The following TNS1 variants were observed in gnomAD, a reference collection of about 807,000 sequenced individuals.
The protein encoded by TNS1 is tensin 1.
TNS1 carries 62 observed loss-of-function variants against 168.6 expected under a neutral mutation model. That is an observed-to-expected ratio of 0.37 (90% CI 0.30 to 0.45). TNS1 has a LOEUF of 0.45. Ranked by LOEUF, TNS1 falls within the 20% of genes least tolerant of loss-of-function variation. The probability of loss-of-function intolerance (pLI) is 1.00; values close to 1 mark genes in which losing one functional copy is unlikely to be tolerated. For synonymous variants in TNS1, 934 were observed against 933.2 expected (o/e 1.00, Z -0.02); for missense variants, 2,240 against 2,339.4 (o/e 0.96, Z 0.88).
chr2:217,947,698 G>A (rs1244997719), intron 3 of TNS1, among the ~76,000 whole-genome samples: 2 of 152,166 alleles, frequency 1.3e-5, no homozygotes, highest in Non-Finnish European at 2.9e-5. Context: ...AGAAAGGCGA[G>A]GAGAAAGTCA....
chr2:217,834,199 C>T (rs545557978), intron 21 of TNS1, among the ~76,000 whole-genome samples: 89 of 152,330 alleles, frequency 5.8e-4, no homozygotes, highest in African/African-American at 2.1e-3. Context: ...ACAGGGGCCA[C>T]GTACATTGCC....
In TNS1 at chr2:217,804,428, CAT is replaced by C. The variant is rs1194923489; in HGVS notation, c.*29_*30del. On this transcript the variant is annotated 3_prime_UTR_variant, in exon 33 of 33. Transcript: ENST00000682258. ...GTCCCCTCCCCACAAGCCCCTTCCC[CAT>C]GGCACTGGCCCTGGGCAAGGGGCAG... 10 of 1,613,248 alleles carry C rather than the reference CAT, an allele frequency of 6.2e-6. No homozygotes were observed. Among genetic ancestry groups the C allele is most frequent in the Non-Finnish European group, 8.5e-6 (10 of 1,179,450 alleles).
chr2:217,804,252 ATCTT>A lies in TNS1; in HGVS notation c.*203_*206del, dbSNP rs1215451079. 11 of 493,348 alleles carry A rather than the reference ATCTT, an allele frequency of 2.2e-5. No homozygotes were observed. Among genetic ancestry groups the A allele is most frequent in the South Asian group, 9.6e-5 (4 of 41,716 alleles). 30.6% of individuals were successfully genotyped at this position (493,348 alleles called of 1,614,324 possible). ...AGGGGAATCCAAGTTCTTCTCCTCC[ATCTT>A]TCTCTCTCTCTCTCTCTCTCTCTCT... On this transcript the variant is annotated 3_prime_UTR_variant, in exon 33 of 33. Transcript: ENST00000682258.
At chr2:217,936,701 T>C (rs1956626038) in intron 3 of TNS1, among the ~76,000 whole-genome samples, 1 of 152,052 alleles carries the variant, frequency 6.6e-6, no homozygotes, top group Non-Finnish European at 1.5e-5. Flanking sequence ...TTAACCTGCC[T>C]CAGAATATCC....
Position 217,848,336 on chromosome 2 carries a change from C to T in TNS1, c.2181G>A (p.Gln727=), listed in dbSNP as rs560489226. The change falls in exon 19 of 33, where the codon CAG becomes CAA. Residue 727 remains glutamine (Q), a synonymous_variant. Transcript: ENST00000682258. ...GGGCATAGTGGGAGGTGGTCACTGG[C>T]TGTGGCCAGGCTGGGTGGGGCCCCT... ...QREGPHPAWP[Q]PVTTSHYAHD... The T allele has an allele frequency of 2.1e-5, 33 of 1,538,656 alleles. No homozygotes were observed. The South Asian group carries it at 3.7e-4, about 17-fold the overall frequency.
intron 12 of TNS1, 42 bp downstream of exon 12, chr2:217,890,920 T>C (rs758265983): frequency 1.3e-6 from 2 of 1,594,708 alleles, no homozygotes; most frequent in Admixed American, 1.7e-5. Context: ...ATAGAGTGAG[T>C]GCACACATAC....
intron 3 of TNS1, among the ~76,000 whole-genome samples, chr2:217,941,736 T>TC (rs1209316359): frequency 6.6e-6 from 1 of 151,776 alleles, no homozygotes; most frequent in African/African-American, 2.4e-5. Context: ...CTGTCTAAAC[T>TC]CCCCCCAGTA....
At chr2:217,837,773 C>A (rs1186578748) in intron 19 of TNS1, among the ~76,000 whole-genome samples, 1 of 152,228 alleles carries the variant, frequency 6.6e-6, no homozygotes, top group African/African-American at 2.4e-5. Flanking sequence ...CTTGAAGAGC[C>A]CTTATTCGCA....
chr2:217,804,387 T>C lies in TNS1; in HGVS notation c.*72A>G. On this transcript the variant is annotated 3_prime_UTR_variant, in exon 33 of 33. Transcript: ENST00000682258. ...AAAGTCCTCCTTCTGGGTTCAAGAG[T>C]GGTCAGGATTCATGGGTCCCCTCCC... 1.3e-6 allele frequency: 2 copies of C among 1,577,826 alleles called. No individual in the cohort carries two copies. Among genetic ancestry groups the C allele is most frequent in the Non-Finnish European group, 1.7e-6 (2 of 1,160,372 alleles).
rs1450658679 is a variant in TNS1 at position 217,906,229 on chromosome 2, G to A, written c.321+106C>T. 4.5e-6 allele frequency: 3 copies of A among 667,290 alleles called. No individual in the cohort carries two copies. In the African/African-American group the frequency reaches 5.3e-5, roughly 12 times the overall value. 41.3% of individuals were successfully genotyped at this position (667,290 alleles called of 1,614,324 possible). A position where few individuals can be genotyped will look rare whatever the true frequency, so the allele number is the denominator to read the frequency against. ...ATGCCAGCCTCTCCTTCTAGAGAGA[G>A]GTAAAGGAAGCCCACGAAACAAGAC... On this transcript the variant is annotated intron_variant, in intron 6 of 32. Transcript: ENST00000682258.
At chr2:217,830,368 T>C (rs777534401) in intron 22 of TNS1, 2 of 1,614,136 alleles carry the variant, frequency 1.2e-6, no homozygotes, top group South Asian at 2.2e-5. Context: ...CCCACCTACC[T>C]GGCTGGATCC....
intron 3 of TNS1, among the ~76,000 whole-genome samples, chr2:217,962,622 G>A (rs950377555): frequency 3.3e-5 from 5 of 152,110 alleles, no homozygotes; most frequent in Non-Finnish European, 5.9e-5. Context: ...AGTAAAATGG[G>A]GATAAGGCAC....
chr2:217,933,791 C>T (rs1268569285), intron 3 of TNS1, among the ~76,000 whole-genome samples: 2 of 152,142 alleles, frequency 1.3e-5, no homozygotes, highest in African/African-American at 4.8e-5. Context: ...GGATAAGGCA[C>T]ACGGGCAGAA....
At chr2:217,962,600 A>G (rs1239327709) in intron 3 of TNS1, among the ~76,000 whole-genome samples, 1 of 152,234 alleles carries the variant, frequency 6.6e-6, no homozygotes, top group Non-Finnish European at 1.5e-5. Flanking sequence ...CAAATAAATA[A>G]TGGAATAAAT....
intron 9 of TNS1, among the ~76,000 whole-genome samples, chr2:217,894,475 G>A (rs192844320): frequency 2.0e-4 from 30 of 152,240 alleles, no homozygotes; most frequent in Admixed American, 4.6e-4. Context: ...TGGCCAACAC[G>A]GCGAAACCCC....
At chr2:217,819,222 T>C (rs1039302471) in intron 23 of TNS1, among the ~76,000 whole-genome samples, 4 of 152,112 alleles carry the variant, frequency 2.6e-5, no homozygotes, top group African/African-American at 9.7e-5. Flanking sequence ...TCATCATCCT[T>C]AAACATTGAC....
At chr2:217,905,491 A>C in intron 6 of TNS1, 1 of 328,548 alleles carries the variant, frequency 3.0e-6, no homozygotes, top group Non-Finnish European at 6.2e-6. Context: ...CTCCCGCAGC[A>C]CTCCCTCCAG....
chr2:217,920,287 C>T (rs930992495), intron 3 of TNS1, 51 bp from the exon 4 acceptor site: 2 of 702,716 alleles, frequency 2.8e-6, no homozygotes, highest in Admixed American at 2.0e-5. Context: ...TCTCTAGAGA[C>T]AGCCAGCACC....
At chr2:217,824,266 C>T (rs943287733) in intron 22 of TNS1, among the ~76,000 whole-genome samples, 1 of 152,188 alleles carries the variant, frequency 6.6e-6, no homozygotes, top group African/African-American at 2.4e-5. Context: ...TGGAGCCGTG[C>T]GCCAGGACAC....
Sources: allele counts gnomAD v4.1 joint callset (sites outside exome capture counted in the v4.1 genomes callset), GRCh38; gene constraint gnomAD v4.1.1; transcripts MANE v1.5; gene names NCBI Gene and HGNC (gene_info 2026-07-23, HGNC 2026-07-21).